NRCAM: variants seen among roughly 807,000 people sequenced by gnomAD.
NRCAM encodes the protein neuronal cell adhesion molecule, also known as NgCAM-related cell adhesion molecule.
Under a neutral mutation model 156.5 loss-of-function variants are expected in NRCAM, and 83 were observed. The observed-to-expected ratio is 0.53, with a 90% CI of 0.44 to 0.64. The LOEUF is 0.64. Among genes scored for constraint, NRCAM ranks in the 30% least tolerant of loss-of-function variants. The pLI, the probability that NRCAM is intolerant of heterozygous loss-of-function variation, is 0.00. For synonymous variants in NRCAM, 538 were observed against 563.9 expected (o/e 0.95, Z 0.65); for missense variants, 1,417 against 1,597.3 (o/e 0.89, Z 1.92).
rs1491396505 is a variant in NRCAM at position 108,298,660 on chromosome 7, ACC to A, written c.-107+14003_-107+14004del. Among the ~76,000 whole-genome samples, 15 of 67,034 alleles carry A rather than the reference ACC, an allele frequency of 2.2e-4. No homozygotes were observed. In the East Asian group the frequency reaches 0.013, roughly 58 times the overall value. The allele number at this position is 67,034 out of a possible 152,430, so 44.0% of individuals were successfully genotyped here. ...ACAGCGAGACTCCATCTCAAAAAAA[ACC>A]AAAAAAACAAAAAAACAAAAAACAC... On this transcript the variant is annotated intron_variant, in intron 3 of 32. Transcript: ENST00000379028.
intron 3 of NRCAM, among the ~76,000 whole-genome samples, chr7:108,242,103 G>A (rs1045973102): frequency 3.3e-5 from 5 of 151,570 alleles, no homozygotes; most frequent in East Asian, 1.9e-4. Context: ...GTGAAATCCC[G>A]TCCCTACTAA....
chr7:108,439,405 G>T (rs932344141), intron 1 of NRCAM, among the ~76,000 whole-genome samples: 2 of 152,178 alleles, frequency 1.3e-5, no homozygotes, highest in East Asian at 3.9e-4. Flanking sequence ...GAAGATAAAT[G>T]ACTCCGTTCT....
At chr7:108,417,982 C>G (rs566384743) in intron 1 of NRCAM, among the ~76,000 whole-genome samples, 21 of 152,310 alleles carry the variant, frequency 1.4e-4, no homozygotes, top group African/African-American at 4.3e-4. Context: ...GTTGCTATCA[C>G]TAACACTGAA....
chr7:108,378,049 CAGAT>C (rs2099683721), intron 2 of NRCAM, among the ~76,000 whole-genome samples: 2 of 152,222 alleles, frequency 1.3e-5, no homozygotes, highest in Non-Finnish European at 2.9e-5. Flanking sequence ...AGAATTCATA[CAGAT>C]AAAGTCCCAA....
At chr7:108,234,960 C>T in intron 5 of NRCAM, 1 of 558,626 alleles carries the variant, frequency 1.8e-6, no homozygotes, top group Non-Finnish European at 3.3e-6. Flanking sequence ...ATTATCAATA[C>T]AAACCTAATA....
chr7:108,159,580 T>C (rs1230467931), intron 31 of NRCAM, 39 bp from the exon 32 acceptor site: 2 of 1,481,048 alleles, frequency 1.4e-6, no homozygotes, highest in South Asian at 2.3e-5. Flanking sequence ...CTGTTGATCC[T>C]GTTCTTTCTT....
chr7:108,308,049 A>G (rs2098744812), intron 3 of NRCAM, among the ~76,000 whole-genome samples: 1 of 152,242 alleles, frequency 6.6e-6, no homozygotes, highest in South Asian at 2.1e-4. Context: ...TTGCACAATT[A>G]AAGTTCAATA....
Position 108,335,434 on chromosome 7 carries a change from C to CTTTTTTTTTTTTTTTTTTTTTTTTTTT in NRCAM, c.-173-22704_-173-22703insAAAAAAAAAAAAAAAAAAAAAAAAAAA, listed in dbSNP as rs58975301. ...ATGTCCTGTGGATCTGTTCCACCTGCTTTTTTTTTTTTTTTTTTTTTTTTT... is the reference window on the plus strand; with the variant it reads ...ATGTCCTGTGGATCTGTTCCACCTGCTTTTTTTTTTTTTTTTTTTTTTTTTTTTTTTTTTTTTTTTTTTTTTTTTTTT... On this transcript the variant is annotated intron_variant, in intron 2 of 32. Coordinates refer to ENST00000379028, the MANE Select transcript of NRCAM (RefSeq NM_001037132.4). Among the ~76,000 whole-genome samples, 42 of 69,878 alleles carry CTTTTTTTTTTTTTTTTTTTTTTTTTTT rather than the reference C, an allele frequency of 6.0e-4. 5 individuals carry two copies. Among genetic ancestry groups the CTTTTTTTTTTTTTTTTTTTTTTTTTTT allele is most frequent in the East Asian group, 1.0e-3 (2 of 1,914 alleles). The allele number at this position is 69,878 out of a possible 152,430, so 45.8% of individuals were successfully genotyped here.
At chr7:108,210,238 C>G (rs1338847173) in intron 11 of NRCAM, among the ~76,000 whole-genome samples, 4 of 151,310 alleles carry the variant, frequency 2.6e-5, no homozygotes, top group Non-Finnish European at 5.9e-5. Flanking sequence ...CATTTGTCAC[C>G]CAATGTTTTG....
At chr7:108,289,144 G>A (rs1013366185) in intron 3 of NRCAM, among the ~76,000 whole-genome samples, 8 of 151,872 alleles carry the variant, frequency 5.3e-5, no homozygotes, top group Non-Finnish European at 8.8e-5. Flanking sequence ...CAAAGAATTC[G>A]GTATTCCATT....
At chr7:108,296,450 G>A (rs936525610) in intron 3 of NRCAM, among the ~76,000 whole-genome samples, 1 of 152,120 alleles carries the variant, frequency 6.6e-6, no homozygotes, top group African/African-American at 2.4e-5. Context: ...GAATATACAG[G>A]TGACTCAGAG....
chr7:108,405,419 G>T (rs2099804488), intron 1 of NRCAM, among the ~76,000 whole-genome samples: 2 of 152,196 alleles, frequency 1.3e-5, no homozygotes, highest in Admixed American at 6.5e-5. Flanking sequence ...CCATACTTGG[G>T]ACTCAGGGCT....
intron 3 of NRCAM, among the ~76,000 whole-genome samples, chr7:108,240,527 G>A (rs894278010): frequency 6.6e-5 from 10 of 152,212 alleles, no homozygotes; most frequent in East Asian, 3.9e-4. Flanking sequence ...GACTTTAGAG[G>A]GGTAGCCTAA....
chr7:108,294,192 G>GT (rs1563141911), intron 3 of NRCAM, among the ~76,000 whole-genome samples: 24 of 115,772 alleles, frequency 2.1e-4, no homozygotes, highest in Non-Finnish European at 3.5e-4. Context: ...TTTCTTTACT[G>GT]GTTTTTTTTT....
intron 3 of NRCAM, among the ~76,000 whole-genome samples, chr7:108,270,254 C>G (rs2097292205): frequency 6.6e-6 from 1 of 152,174 alleles, no homozygotes; most frequent in Non-Finnish European, 1.5e-5. Context: ...ATCCTGGATT[C>G]TGAGTTGGAA....
intron 13 of NRCAM, among the ~76,000 whole-genome samples, chr7:108,204,282 C>T (rs1211715919): frequency 1.3e-5 from 2 of 152,218 alleles, no homozygotes; most frequent in African/African-American, 4.8e-5. Flanking sequence ...GATCAACACA[C>T]AGTGGGGGCA....
intron 17 of NRCAM, 21 bp downstream of exon 17, chr7:108,194,003 A>G: frequency 6.2e-7 from 1 of 1,608,938 alleles, no homozygotes. Context: ...AAGAGAAAGT[A>G]AAGAAATCGT....
intron 3 of NRCAM, among the ~76,000 whole-genome samples, chr7:108,269,366 T>A (rs2097252013): frequency 6.6e-6 from 1 of 152,166 alleles, no homozygotes; most frequent in Non-Finnish European, 1.5e-5. Context: ...ACATCTCTCT[T>A]TTCTTCATAG....
intron 11 of NRCAM, among the ~76,000 whole-genome samples, chr7:108,210,968 G>A (rs1441546352): frequency 6.6e-6 from 1 of 152,194 alleles, no homozygotes; most frequent in African/African-American, 2.4e-5. Context: ...TGATGCGGAT[G>A]GACAGAGCAG....
Sources: gnomAD v4.1 joint callset for allele counts (sites outside exome capture counted in the v4.1 genomes callset) on GRCh38, gnomAD v4.1.1 for gene constraint, MANE v1.5 for transcripts, NCBI Gene and HGNC (gene_info 2026-07-23, HGNC 2026-07-21) for gene names.